WDR89: variants seen among roughly 807,000 people sequenced by gnomAD.
The protein encoded by WDR89 is WD repeat-containing protein 89.
A neutral mutation model predicts 29.1 loss-of-function variants in WDR89; 17 were observed. That is an observed-to-expected ratio of 0.58 (90% CI 0.40 to 0.88). The LOEUF is 0.88. Ranked by LOEUF, WDR89 falls within the 40% of genes least tolerant of loss-of-function variation. The pLI is 0.00. For synonymous variants in WDR89, 138 were observed against 157.8 expected (o/e 0.87, Z 0.94); for missense variants, 396 against 456.3 (o/e 0.87, Z 1.20).
At chr14:63,616,053 G>A (rs1882284321) in intron 2 of WDR89, among the ~76,000 whole-genome samples, 1 of 152,118 alleles carries the variant, frequency 6.6e-6, no homozygotes. Flanking sequence ...GACCAGCTTA[G>A]GCAACATGGC....
chr14:63,624,339 T>C (rs1006715038), intron 2 of WDR89, among the ~76,000 whole-genome samples: 8 of 151,680 alleles, frequency 5.3e-5, no homozygotes, highest in Admixed American at 1.3e-4. Flanking sequence ...TGGTGGCGCA[T>C]GCCTATAGTC....
intron 2 of WDR89, among the ~76,000 whole-genome samples, chr14:63,606,541 T>A (rs904395734): frequency 2.0e-5 from 3 of 152,198 alleles, no homozygotes; most frequent in Non-Finnish European, 4.4e-5. Flanking sequence ...CTTAAAGTAT[T>A]CAGTAGAGTA....
chr14:63,631,065 T>C (rs993717881), intron 1 of WDR89, among the ~76,000 whole-genome samples: 1 of 152,242 alleles, frequency 6.6e-6, no homozygotes, highest in African/African-American at 2.4e-5. Context: ...GGGCCCAGCC[T>C]GTACTGTCTA....
At chr14:63,608,075 G>A (rs1881706830) in intron 2 of WDR89, among the ~76,000 whole-genome samples, 1 of 147,562 alleles carries the variant, frequency 6.8e-6, no homozygotes, top group South Asian at 2.2e-4. Context: ...GTGTGGTGGT[G>A]CATGCCTGTA....
At chr14:63,634,205 G>A (rs554513244) in intron 1 of WDR89, among the ~76,000 whole-genome samples, 5 of 152,252 alleles carry the variant, frequency 3.3e-5, no homozygotes, top group Admixed American at 1.3e-4. Context: ...TGGCCAACAT[G>A]GCGAAACCCT....
intron 2 of WDR89, among the ~76,000 whole-genome samples, chr14:63,607,567 C>T (rs1315523905): frequency 6.6e-6 from 1 of 152,118 alleles, no homozygotes; most frequent in African/African-American, 2.4e-5. Flanking sequence ...GTCAGTTATA[C>T]ATATTTTACT....
chr14:63,607,543 T>C (rs12880646), intron 2 of WDR89, among the ~76,000 whole-genome samples: 1 of 152,114 alleles, frequency 6.6e-6, no homozygotes, highest in African/African-American at 2.4e-5. Flanking sequence ...CCAAAAGTTA[T>C]CAGGGATGGA....
intron 2 of WDR89, among the ~76,000 whole-genome samples, chr14:63,612,745 T>G (rs1366765498): frequency 6.6e-6 from 1 of 151,734 alleles, no homozygotes. Flanking sequence ...ACTGAGGGAG[T>G]TGGTAGGCAA....
At chr14:63,637,844 G>A (rs1883837875) in intron 1 of WDR89, among the ~76,000 whole-genome samples, 1 of 152,096 alleles carries the variant, frequency 6.6e-6, no homozygotes, top group Non-Finnish European at 1.5e-5. Context: ...CAAATATGGT[G>A]TAGTGTATAC....
At position 63,640,968 on chromosome 14, in the gene WDR89, G is replaced by A. The variant is rs184341799; in HGVS notation, c.-138+836C>T. Among the ~76,000 whole-genome samples the A allele has an allele frequency of 4.3e-3, 639 of 150,002 alleles. 4 individuals are homozygous for A. Among genetic ancestry groups the A allele is most frequent in the African/African-American group, 0.015 (606 of 41,228 alleles). On this transcript the variant is annotated intron_variant, in intron 1 of 2. Transcript: ENST00000620954. ...CAAAAATTAGCCGGGCGTGGTGCCA[G>A]GCGCCTATAATCCCGGCTACTCGGG... is the stretch of plus-strand genomic sequence containing the variant.
intron 1 of WDR89, among the ~76,000 whole-genome samples, chr14:63,634,296 T>G (rs1595040163): frequency 6.6e-6 from 1 of 152,010 alleles, no homozygotes. Flanking sequence ...CCAAGGCGGG[T>G]GGATCACCTG....
chr14:63,609,106 A>G, intron 2 of WDR89, among the ~76,000 whole-genome samples: 1 of 149,818 alleles, frequency 6.7e-6, no homozygotes, highest in African/African-American at 2.5e-5. Context: ...GCAAAACTCC[A>G]TCTCAAAAAA....
intron 2 of WDR89, among the ~76,000 whole-genome samples, chr14:63,622,280 CA>C (rs1315681850): frequency 1.3e-5 from 2 of 151,402 alleles, no homozygotes; most frequent in East Asian, 3.9e-4. Flanking sequence ...ACTAAAAATA[CA>C]AAAAAAGTAG....
chr14:63,615,905 C>G (rs969506356), intron 2 of WDR89, among the ~76,000 whole-genome samples: 7 of 145,232 alleles, frequency 4.8e-5, no homozygotes, highest in Non-Finnish European at 7.4e-5. Flanking sequence ...GCCTTGGCGA[C>G]AGAGCAAGAC....
chr14:63,610,378 T>C lies in WDR89; in HGVS notation c.-31-10405A>G, dbSNP rs753708733. 2.2e-4 allele frequency among the ~76,000 whole-genome samples: 33 copies of C among 152,078 alleles called. 1 individual carries two copies. The highest frequency in any genetic ancestry group is 6.6e-4 in the Admixed American group (10 of 15,242). On this transcript the variant is annotated intron_variant, in intron 2 of 2. Coordinates refer to ENST00000620954, the MANE Select transcript of WDR89 (RefSeq NM_080666.4). ...AACTCAAGTATAACATATGTAGATA[T>C]ACCCCCTGTAGAAAGTAGAGCTGAA...
rs756454182 is a variant in WDR89 at position 63,599,240 on chromosome 14, T to G, written c.703A>C (p.Met235Leu). 8.1e-6 allele frequency: 13 copies of G among 1,607,864 alleles called. No individual in the cohort carries two copies. Among genetic ancestry groups the G allele is most frequent in the South Asian group, 1.1e-5 (1 of 90,236 alleles). Reference sequence around the variant, plus strand: ...CAATAAAATCCTTCATCATGTGTCATGCAGTAAATCTGTTTATAACCTTTC... The same window carrying G: ...CAATAAAATCCTTCATCATGTGTCAGGCAGTAAATCTGTTTATAACCTTTC... ...SGKGYKQIYC[M>L]THDEGFYWWD... The change falls in exon 3 of 3, where the codon ATG (methionine) becomes CTG (leucine). Residue 235 changes from methionine to leucine, a missense_variant. Transcript: ENST00000620954.
intron 2 of WDR89, among the ~76,000 whole-genome samples, chr14:63,620,815 T>C (rs935909355): frequency 6.6e-6 from 1 of 151,706 alleles, no homozygotes; most frequent in African/African-American, 2.4e-5. Flanking sequence ...TGAAAATTAC[T>C]TGAACCTGGG....
At chr14:63,634,065 T>C (rs773764498) in intron 1 of WDR89, among the ~76,000 whole-genome samples, 5 of 152,138 alleles carry the variant, frequency 3.3e-5, no homozygotes, top group Non-Finnish European at 7.3e-5. Flanking sequence ...AATCTCCAAA[T>C]AGAAAGATGT....
chr14:63,605,927 A>ATAAG (rs1206724295), intron 2 of WDR89, among the ~76,000 whole-genome samples: 1 of 152,182 alleles, frequency 6.6e-6, no homozygotes, highest in Non-Finnish European at 1.5e-5. Context: ...TTCCAGTGGG[A>ATAAG]TAAGACATGG....
Sources: allele counts gnomAD v4.1 joint callset (sites outside exome capture counted in the v4.1 genomes callset), GRCh38; gene constraint gnomAD v4.1.1; transcripts MANE v1.5; gene names NCBI Gene and HGNC (gene_info 2026-07-23, HGNC 2026-07-21).